Variants in CNTN4 observed in about 807,000 individuals in gnomAD.
CNTN4 encodes contactin 4.
In CNTN4, 77 loss-of-function variants were observed where a neutral mutation model predicts 122.5. The observed-to-expected ratio is 0.63, with a 90% CI of 0.52 to 0.76. The LOEUF (loss-of-function observed/expected upper bound fraction) is 0.76. Ranked by LOEUF, CNTN4 falls within the 30% of genes least tolerant of loss-of-function variation. CNTN4 has a pLI of 0.00. For synonymous variants in CNTN4, 512 were observed against 447.0 expected, an observed-to-expected ratio of 1.15 and a Z score of -1.83; for missense variants, 1,256 against 1,259.1, an observed-to-expected ratio of 1.00 and a Z score of 0.04.
intron 3 of CNTN4, among the ~76,000 whole-genome samples, chr3:2,388,283 G>A (rs1378390555): frequency 2.0e-5 from 3 of 152,078 alleles, no homozygotes; most frequent in African/African-American, 7.2e-5. Context: ...TAATTTAAAT[G>A]TTCTGGATAC....
intron 3 of CNTN4, among the ~76,000 whole-genome samples, chr3:2,526,238 T>C (rs1280053942): frequency 6.6e-6 from 1 of 152,116 alleles, no homozygotes; most frequent in Non-Finnish European, 1.5e-5. Context: ...TTATTCTTAG[T>C]AAAAACTGAG....
intron 2 of CNTN4, among the ~76,000 whole-genome samples, chr3:2,180,857 T>G (rs1261862645): frequency 6.6e-6 from 1 of 152,108 alleles, no homozygotes; most frequent in African/African-American, 2.4e-5. Flanking sequence ...CCATTGTGAT[T>G]GACAGAGTCT....
intron 2 of CNTN4, among the ~76,000 whole-genome samples, chr3:2,279,247 A>G (rs1360725318): frequency 6.6e-6 from 1 of 152,252 alleles, no homozygotes; most frequent in Non-Finnish European, 1.5e-5. Flanking sequence ...TCAAGGTGGA[A>G]TCACACGTGT....
intron 2 of CNTN4, among the ~76,000 whole-genome samples, chr3:2,162,656 C>T (rs1381565730): frequency 6.6e-6 from 1 of 152,134 alleles, no homozygotes; most frequent in African/African-American, 2.4e-5. Flanking sequence ...GATGCTGTTG[C>T]CATTCTGCTG....
chr3:2,217,513 T>G (rs1432680372), intron 2 of CNTN4, among the ~76,000 whole-genome samples: 1 of 152,222 alleles, frequency 6.6e-6, no homozygotes, highest in Non-Finnish European at 1.5e-5. Flanking sequence ...GTTTCCTTTT[T>G]GAGTAATCTT....
intron 4 of CNTN4, among the ~76,000 whole-genome samples, chr3:2,725,697 C>G (rs2088177857): frequency 6.6e-6 from 1 of 151,884 alleles, no homozygotes; most frequent in Non-Finnish European, 1.5e-5. Flanking sequence ...AGTAGTTGAT[C>G]CCGGTGGTGT....
intron 2 of CNTN4, among the ~76,000 whole-genome samples, chr3:2,101,215 T>G (rs1304746523): frequency 6.6e-6 from 1 of 152,234 alleles, no homozygotes; most frequent in Non-Finnish European, 1.5e-5. Context: ...AAAGTAGGTC[T>G]TCTGATTTCT....
chr3:2,209,163 C>T (rs116424705), intron 2 of CNTN4, among the ~76,000 whole-genome samples: 605 of 152,232 alleles, frequency 4.0e-3, no homozygotes, highest in Middle Eastern at 0.014. Context: ...CAAATGTATC[C>T]TTCTATTTGT....
At chr3:2,388,673 T>A (rs1324857974) in intron 3 of CNTN4, among the ~76,000 whole-genome samples, 2 of 152,044 alleles carry the variant, frequency 1.3e-5, no homozygotes, top group Non-Finnish European at 2.9e-5. Context: ...GACAAAACTC[T>A]GTCTCTGCTA....
In CNTN4 at chr3:2,830,278, A is replaced by C. The variant is rs144787244; in HGVS notation, c.454+10697A>C. Among the ~76,000 whole-genome samples, 524 of 152,244 alleles carry C rather than the reference A, an allele frequency of 3.4e-3. 3 individuals are homozygous for C. Among genetic ancestry groups the C allele is most frequent in the African/African-American group, 0.012 (507 of 41,538 alleles). On this transcript the variant is annotated intron_variant, in intron 7 of 24. Transcript: ENST00000418658. ...TTCAATTCAAGTTGAGTACATCTCTATTTTCTTTTTAAACATCCAAAAAAA... is the reference window on the plus strand; with the variant it reads ...TTCAATTCAAGTTGAGTACATCTCTCTTTTCTTTTTAAACATCCAAAAAAA...
At chr3:2,716,236 T>C (rs1208482310) in intron 4 of CNTN4, among the ~76,000 whole-genome samples, 1 of 152,102 alleles carries the variant, frequency 6.6e-6, no homozygotes, top group Non-Finnish European at 1.5e-5. Context: ...TAAATTTAAC[T>C]CAAAGATATA....
chr3:2,211,214 C>T (rs2038601641), intron 2 of CNTN4, among the ~76,000 whole-genome samples: 1 of 151,998 alleles, frequency 6.6e-6, no homozygotes, highest in Admixed American at 6.6e-5. Context: ...TTGGGCGCCA[C>T]ACACTTTTAA....
chr3:2,751,572 C>T (rs6792608), intron 6 of CNTN4, among the ~76,000 whole-genome samples: 133,073 of 152,130 alleles, frequency 0.87, 59,258 homozygotes, highest in Non-Finnish European at 0.97. Context: ...GAAGATAAGG[C>T]CTAAAGAGGA....
intron 2 of CNTN4, among the ~76,000 whole-genome samples, chr3:2,199,897 C>T (rs904093295): frequency 4.0e-4 from 61 of 151,966 alleles, no homozygotes; most frequent in African/African-American, 1.4e-3. Flanking sequence ...GTAGAGACTC[C>T]AAAGTGGCAA....
intron 6 of CNTN4, among the ~76,000 whole-genome samples, chr3:2,793,499 G>A (rs1296356695): frequency 6.6e-6 from 1 of 151,966 alleles, no homozygotes; most frequent in African/African-American, 2.4e-5. Flanking sequence ...ACGGATGTTT[G>A]CCTTCATGAA....
At chr3:2,322,781 T>G (rs1325583274) in intron 2 of CNTN4, among the ~76,000 whole-genome samples, 2 of 152,198 alleles carry the variant, frequency 1.3e-5, no homozygotes, top group Admixed American at 6.5e-5. Flanking sequence ...ATCTGAAATA[T>G]GCTGTTAAGT....
chr3:2,516,857 A>G (rs899124907), intron 3 of CNTN4, among the ~76,000 whole-genome samples: 2 of 152,156 alleles, frequency 1.3e-5, no homozygotes, highest in African/African-American at 4.8e-5. Flanking sequence ...TAAAGGAGAC[A>G]GATTTAATGC....
chr3:2,131,696 A>C (rs1050320848), intron 2 of CNTN4, among the ~76,000 whole-genome samples: 1 of 152,208 alleles, frequency 6.6e-6, no homozygotes, highest in African/African-American at 2.4e-5. Context: ...TGAAACTAAC[A>C]TTTGGATGAA....
intron 2 of CNTN4, among the ~76,000 whole-genome samples, chr3:2,267,098 G>A (rs1323652872): frequency 2.0e-5 from 3 of 152,068 alleles, no homozygotes; most frequent in Non-Finnish European, 4.4e-5. Flanking sequence ...TCTAATGAGT[G>A]AACCTTTCCT....
Sources: gnomAD v4.1 joint callset for allele counts (sites outside exome capture counted in the v4.1 genomes callset) on GRCh38, gnomAD v4.1.1 for gene constraint, MANE v1.5 for transcripts, NCBI Gene and HGNC (gene_info 2026-07-23, HGNC 2026-07-21) for gene names.